The following OPCML variants were observed in gnomAD, a reference collection of about 807,000 sequenced individuals.
OPCML encodes opioid-binding protein/cell adhesion molecule.
In OPCML, 13 loss-of-function variants were observed where a neutral mutation model predicts 37.8. That is an observed-to-expected ratio of 0.34 (90% confidence interval 0.22 to 0.55). OPCML has a LOEUF of 0.55. Ranked by LOEUF, OPCML falls within the 20% of genes least tolerant of loss-of-function variation. The pLI is 0.91. For synonymous variants in OPCML, 176 were observed against 168.8 expected, an observed-to-expected ratio of 1.04 and a Z score of -0.33; for missense variants, 341 against 435.6, an observed-to-expected ratio of 0.78 and a Z score of 1.93.
chr11:132,449,458 A>T (rs2096063327), intron 4 of OPCML, among the ~76,000 whole-genome samples: 1 of 152,282 alleles, frequency 6.6e-6, no homozygotes, highest in African/African-American at 2.4e-5. Flanking sequence ...CTTCAAATGC[A>T]GGAAAATGAT....
chr11:132,986,306 C>T (rs1555070235), intron 1 of OPCML, among the ~76,000 whole-genome samples: 1 of 151,926 alleles, frequency 6.6e-6, no homozygotes, highest in Non-Finnish European at 1.5e-5. Flanking sequence ...AAAACTACCT[C>T]AAGTAGTTTT....
intron 1 of OPCML, among the ~76,000 whole-genome samples, chr11:133,481,335 C>T (rs1947365797): frequency 6.6e-6 from 1 of 151,964 alleles, no homozygotes; most frequent in Admixed American, 6.6e-5. Flanking sequence ...AAGAGTCAAG[C>T]CCAGAAAAGG....
intron 1 of OPCML, among the ~76,000 whole-genome samples, chr11:133,445,135 C>T (rs1946448007): frequency 6.8e-6 from 1 of 147,404 alleles, no homozygotes; most frequent in Non-Finnish European, 1.5e-5. Context: ...CACCACACCC[C>T]ATCTACACAA....
chr11:133,518,227 G>T (rs116720407), intron 1 of OPCML, among the ~76,000 whole-genome samples: 2 of 151,794 alleles, frequency 1.3e-5, no homozygotes, highest in Non-Finnish European at 2.9e-5. Flanking sequence ...GTGTGGGGGG[G>T]TGTGTTTGTG....
chr11:133,202,729 C>T (rs1174305041), intron 1 of OPCML, among the ~76,000 whole-genome samples: 1 of 152,220 alleles, frequency 6.6e-6, no homozygotes, highest in African/African-American at 2.4e-5. Context: ...AGGTGGGAAA[C>T]AGGCATCACT....
chr11:133,179,459 C>T (rs934457670), intron 1 of OPCML, among the ~76,000 whole-genome samples: 1 of 152,208 alleles, frequency 6.6e-6, no homozygotes, highest in East Asian at 1.9e-4. Context: ...AGACTCCTCA[C>T]CACTCTACAG....
rs377269067 is a variant in OPCML, at chr11:133,173,590, C to T, written c.62-230580G>A. Among the ~76,000 whole-genome samples the T allele has an allele frequency of 5.3e-5, 8 of 152,238 alleles. No homozygotes were observed. In the East Asian group the frequency reaches 1.4e-3, roughly 26 times the overall value. ...GCCACCAGCATTCAAATCACATCAC[C>T]TTTCAAATCACCCCCCAGATGCCTC... On this transcript the variant is annotated intron_variant, in intron 1 of 7. Transcript: ENST00000524381. The surrounding 1 kb of genome is among the most constrained non-coding windows in gnomAD (Gnocchi z 7.8).
chr11:133,305,304 C>G (rs193271906), intron 1 of OPCML, among the ~76,000 whole-genome samples: 35 of 152,108 alleles, frequency 2.3e-4, no homozygotes, highest in Admixed American at 1.9e-3. Context: ...CCAAGGACGA[C>G]CACAGCAACA....
intron 1 of OPCML, among the ~76,000 whole-genome samples, chr11:133,166,800 A>G (rs1950214483): frequency 6.6e-6 from 1 of 152,234 alleles, no homozygotes; most frequent in Non-Finnish European, 1.5e-5. Flanking sequence ...CTCATTTGCA[A>G]TTACCAGACC....
At chr11:132,484,945 C>A (rs1281053556) in intron 4 of OPCML, among the ~76,000 whole-genome samples, 1 of 152,208 alleles carries the variant, frequency 6.6e-6, no homozygotes, top group East Asian at 1.9e-4. Flanking sequence ...AGAGGGATAG[C>A]ATTGGGAGAT....
intron 3 of OPCML, among the ~76,000 whole-genome samples, chr11:132,579,975 T>A (rs1319098329): frequency 6.6e-6 from 1 of 152,012 alleles, no homozygotes; most frequent in East Asian, 1.9e-4. Context: ...CTGGTATGAG[T>A]TCTCATCAAG....
intron 1 of OPCML, among the ~76,000 whole-genome samples, chr11:133,219,668 A>G (rs902879740): frequency 6.6e-6 from 1 of 152,172 alleles, no homozygotes; most frequent in Non-Finnish European, 1.5e-5. Flanking sequence ...TGCCTGCCCA[A>G]GGACTTCACT....
intron 1 of OPCML, among the ~76,000 whole-genome samples, chr11:133,137,587 A>G (rs1196199747): frequency 6.6e-6 from 1 of 152,218 alleles, no homozygotes; most frequent in African/African-American, 2.4e-5. Flanking sequence ...TTTAGGATCC[A>G]TAAAATTGAG....
chr11:133,020,515 G>A (rs1947431124), intron 1 of OPCML, among the ~76,000 whole-genome samples: 1 of 152,340 alleles, frequency 6.6e-6, no homozygotes, highest in South Asian at 2.1e-4. Context: ...AGGGCCAGTG[G>A]CTTTGGAAGC....
chr11:133,483,425 T>G (rs1354557550), intron 1 of OPCML, among the ~76,000 whole-genome samples: 1 of 151,888 alleles, frequency 6.6e-6, no homozygotes, highest in Non-Finnish European at 1.5e-5. Flanking sequence ...AATAGATAGA[T>G]AATAGGCAGA....
intron 1 of OPCML, among the ~76,000 whole-genome samples, chr11:133,247,035 T>C (rs1940948448): frequency 6.6e-6 from 1 of 152,092 alleles, no homozygotes; most frequent in South Asian, 2.1e-4. Flanking sequence ...AGGGAGAAGA[T>C]GAGATCAGCT....
chr11:133,014,387 A>C (rs912172550), intron 1 of OPCML, among the ~76,000 whole-genome samples: 1 of 151,968 alleles, frequency 6.6e-6, no homozygotes, highest in Non-Finnish European at 1.5e-5. Flanking sequence ...ATGGGGATTG[A>C]AGAAAAAAAT....
intron 1 of OPCML, among the ~76,000 whole-genome samples, chr11:133,220,553 G>A (rs1218514128): frequency 6.6e-6 from 1 of 152,146 alleles, no homozygotes; most frequent in Non-Finnish European, 1.5e-5. Flanking sequence ...CCTTTGCCTT[G>A]CAGACCTGAA....
At chr11:132,493,172 G>T (rs1303688339) in intron 4 of OPCML, among the ~76,000 whole-genome samples, 1 of 152,194 alleles carries the variant, frequency 6.6e-6, no homozygotes, top group East Asian at 1.9e-4. Context: ...TGGATAGGAA[G>T]TTGGACCTGC....
Sources: gnomAD v4.1 joint callset for allele counts (sites outside exome capture counted in the v4.1 genomes callset) on GRCh38, gnomAD v4.1.1 for gene constraint, Gnocchi (gnomAD v3.1) non-coding constraint, MANE v1.5 for transcripts, NCBI Gene and HGNC (gene_info 2026-07-23, HGNC 2026-07-21) for gene names.